The following PDGFD variants were observed in gnomAD, a reference collection of about 807,000 sequenced individuals.
PDGFD encodes platelet derived growth factor D.
A neutral mutation model predicts 44.7 loss-of-function variants in PDGFD; 30 were observed. The observed-to-expected ratio is 0.67, with a 90% CI of 0.50 to 0.91. The LOEUF (loss-of-function observed/expected upper bound fraction) is 0.91, where lower values mean the gene tolerates loss of function less well. PDGFD is among the 40% of genes least tolerant of loss of function. The probability of loss-of-function intolerance (pLI) is 0.00; values close to 1 mark genes in which losing one functional copy is unlikely to be tolerated. For synonymous variants in PDGFD, 173 were observed against 168.4 expected (o/e 1.03, Z -0.21); for missense variants, 445 against 457.8 (o/e 0.97, Z 0.25).
At chr11:104,086,328 T>G (rs117132232) in intron 1 of PDGFD, among the ~76,000 whole-genome samples, 1 of 152,188 alleles carries the variant, frequency 6.6e-6, no homozygotes, top group Non-Finnish European at 1.5e-5. Flanking sequence ...AGGAACAGCA[T>G]GTTTTAGGAT....
chr11:104,132,435 C>G (rs1457193190), intron 1 of PDGFD, among the ~76,000 whole-genome samples: 1 of 152,000 alleles, frequency 6.6e-6, no homozygotes, highest in East Asian at 1.9e-4. Flanking sequence ...AAACAAAATT[C>G]TTAATGACCT....
intron 1 of PDGFD, among the ~76,000 whole-genome samples, chr11:104,081,875 T>G (rs1011737763): frequency 6.6e-6 from 1 of 152,126 alleles, no homozygotes; most frequent in African/African-American, 2.4e-5. Context: ...AAAACATTTG[T>G]CTAAAATGAT....
chr11:103,983,017 T>C (rs1424276670), intron 3 of PDGFD, among the ~76,000 whole-genome samples: 3 of 151,782 alleles, frequency 2.0e-5, no homozygotes, highest in Non-Finnish European at 4.4e-5. Context: ...GATTCAATGC[T>C]ATTCCCATTA....
rs374052014 is a variant in PDGFD at position 104,037,328 on chromosome 11, A to G, written c.125-37073T>C. The G allele has an allele frequency of 6.8e-6, 11 of 1,613,810 alleles. No homozygotes were observed. The African/African-American group carries it at 1.3e-4, about 20-fold the overall frequency. Reference sequence around the variant, plus strand: ...AAGGAACGCAACCCTCCCTTGGCGGAAGCCCTGCTCAGCGGAAGCCTTGAG... The same window carrying G: ...AAGGAACGCAACCCTCCCTTGGCGGGAGCCCTGCTCAGCGGAAGCCTTGAG... On this transcript the variant is annotated intron_variant, in intron 1 of 6. Transcript: ENST00000393158.
intron 2 of PDGFD, among the ~76,000 whole-genome samples, chr11:103,999,258 G>C (rs1228582033): frequency 6.6e-6 from 1 of 152,060 alleles, no homozygotes; most frequent in African/African-American, 2.4e-5. Context: ...AAAGGATTTA[G>C]CAGTTCAGTA....
At chr11:103,965,181 C>T (rs1047224946) in intron 3 of PDGFD, among the ~76,000 whole-genome samples, 11 of 152,094 alleles carry the variant, frequency 7.2e-5, no homozygotes, top group East Asian at 3.9e-4. Context: ...CTGCATTTGA[C>T]GTGAGAAGCC....
At chr11:103,941,269 T>C (rs1858579761) in intron 5 of PDGFD, among the ~76,000 whole-genome samples, 1 of 151,778 alleles carries the variant, frequency 6.6e-6, no homozygotes, top group African/African-American at 2.4e-5. Context: ...TCAGCCAGAG[T>C]GGAGAACCAT....
intron 1 of PDGFD, among the ~76,000 whole-genome samples, chr11:104,100,654 G>C (rs1861363704): frequency 6.6e-6 from 1 of 152,088 alleles, no homozygotes; most frequent in South Asian, 2.1e-4. Context: ...AAAAAAAAGA[G>C]AATTTTAGAC....
intron 1 of PDGFD, among the ~76,000 whole-genome samples, chr11:104,134,222 T>C (rs1307015077): frequency 6.6e-6 from 1 of 152,216 alleles, no homozygotes; most frequent in East Asian, 1.9e-4. Flanking sequence ...AATGCCATCT[T>C]TGGAGTACTA....
chr11:103,926,970 G>A lies in PDGFD; in HGVS notation c.929C>T (p.Thr310Ile). Residue 310 changes from threonine (T) to isoleucine (I), a missense_variant, in exon 6 of 7, where the codon ACT becomes ATT. Coordinates refer to ENST00000393158, the MANE Select transcript of PDGFD (RefSeq NM_025208.5). ...QRCGGNCGCG[T>I]VNWRSCTCNS... ...GCATGTGCAGGACCTCCAGTTGACA[G>A]TTCCACAGCCACAATTTCCTCCACA... 1.2e-6 allele frequency: 2 copies of A among 1,614,176 alleles called. No individual in the cohort carries two copies. The highest frequency in any genetic ancestry group is 1.7e-6 in the Non-Finnish European group (2 of 1,180,030).
intron 1 of PDGFD, among the ~76,000 whole-genome samples, chr11:104,083,453 A>C (rs1157894841): frequency 6.6e-6 from 1 of 152,194 alleles, no homozygotes; most frequent in Non-Finnish European, 1.5e-5. Context: ...AGTCTTCAGT[A>C]TTTTTTATTC....
At chr11:104,156,192 T>G (rs758931301) in intron 1 of PDGFD, among the ~76,000 whole-genome samples, 5 of 152,064 alleles carry the variant, frequency 3.3e-5, no homozygotes. Flanking sequence ...AAAAATAAAT[T>G]AATAATAAGA....
At chr11:103,954,068 A>C (rs536476855) in intron 3 of PDGFD, among the ~76,000 whole-genome samples, 1 of 152,258 alleles carries the variant, frequency 6.6e-6, no homozygotes, top group African/African-American at 2.4e-5. Flanking sequence ...CAGGTAATAA[A>C]TGTTGTCAAC....
intron 1 of PDGFD, among the ~76,000 whole-genome samples, chr11:104,094,366 G>T (rs1362899703): frequency 2.0e-5 from 3 of 151,824 alleles, no homozygotes; most frequent in African/African-American, 7.3e-5. Flanking sequence ...TTGCATACAA[G>T]TCTCCACAGG....
At chr11:104,094,524 A>G (rs1420869334) in intron 1 of PDGFD, among the ~76,000 whole-genome samples, 2 of 152,016 alleles carry the variant, frequency 1.3e-5, no homozygotes, top group African/African-American at 4.8e-5. Flanking sequence ...TCCATCCTCA[A>G]AGTTTGTCTT....
rs960404962 is a variant in PDGFD at position 103,927,081 on chromosome 11, G to A, written c.818C>T (p.Thr273Ile). Reference sequence around the variant, plus strand: ...TATATTGACCGAGTAATTCCTGGGAGTGCAACTGTAACGCTTGGCATCATC... The same window carrying A: ...TATATTGACCGAGTAATTCCTGGGAATGCAACTGTAACGCTTGGCATCATC... Reference protein sequence around the residue: ...LNDDAKRYSCTPRNYSVNIRE... With the variant: ...LNDDAKRYSCIPRNYSVNIRE... The change falls in exon 6 of 7, where the codon ACT becomes ATT. Residue 273 changes from threonine to isoleucine, a missense_variant. Coordinates refer to ENST00000393158, the MANE Select transcript of PDGFD (RefSeq NM_025208.5). 32 of 1,614,036 alleles carry A rather than the reference G, an allele frequency of 2.0e-5. No individual in the cohort carries two copies. The highest frequency in any genetic ancestry group is 5.0e-5 in the Admixed American group (3 of 60,002).
intron 3 of PDGFD, among the ~76,000 whole-genome samples, chr11:103,966,199 AAG>A (rs1859017972): frequency 6.6e-6 from 1 of 152,182 alleles, no homozygotes; most frequent in Non-Finnish European, 1.5e-5. Context: ...TGGGTGGAGG[AAG>A]AGGGAAGAAG....
intron 3 of PDGFD, among the ~76,000 whole-genome samples, chr11:103,982,255 T>C (rs1565302005): frequency 6.6e-6 from 1 of 151,750 alleles, no homozygotes; most frequent in Non-Finnish European, 1.5e-5. Flanking sequence ...ACTTAATATG[T>C]CATTGGGGAT....
At chr11:104,096,754 C>T (rs1053207230) in intron 1 of PDGFD, among the ~76,000 whole-genome samples, 1 of 152,124 alleles carries the variant, frequency 6.6e-6, no homozygotes, top group South Asian at 2.1e-4. Context: ...AGGCACACAA[C>T]TGTATAAAGG....
Sources: gnomAD v4.1 joint callset for allele counts (sites outside exome capture counted in the v4.1 genomes callset) on GRCh38, gnomAD v4.1.1 for gene constraint, MANE v1.5 for transcripts, NCBI Gene and HGNC (gene_info 2026-07-23, HGNC 2026-07-21) for gene names.